Variants in DHX15 observed in about 807,000 individuals in gnomAD.
The protein encoded by DHX15 is DEAH-box helicase 15.
DHX15 carries 11 observed loss-of-function variants against 94.4 expected under a neutral mutation model. That is an observed-to-expected ratio of 0.12 (90% CI 0.07 to 0.19). The LOEUF (loss-of-function observed/expected upper bound fraction) is 0.19, where lower values mean the gene tolerates loss of function less well. Among genes scored for constraint, DHX15 ranks in the 10% least tolerant of loss-of-function variants. The pLI is 1.00. For synonymous variants in DHX15, 338 were observed against 329.9 expected (o/e 1.02, Z -0.27); for missense variants, 304 against 988.5 (o/e 0.31, Z 9.29).
chr4:24,548,969 A>G lies in DHX15; in HGVS notation c.1134T>C (p.Pro378=). 3.7e-6 allele frequency: 6 copies of G among 1,613,604 alleles called. No homozygotes were observed. Among genetic ancestry groups the G allele is most frequent in the Non-Finnish European group, 5.1e-6 (6 of 1,179,564 alleles). Residue 378 remains proline, a synonymous_variant, in exon 6 of 14, where the codon CCT becomes CCC. Transcript: ENST00000336812. ...GAATGATTTTAATGTCACCAACTTC[A>G]GGGCCCAAATCATCAACTTCACGCT... The part of the protein sequence containing the change: ...RIKREVDDLG[P]EVGDIKIIPL...
chr4:24,583,178 C>G (rs544641847), intron 1 of DHX15, among the ~76,000 whole-genome samples: 15 of 152,316 alleles, frequency 9.8e-5, no homozygotes, highest in African/African-American at 3.1e-4. Flanking sequence ...TTTGGCTACT[C>G]GGGCTTTTGT....
chr4:24,560,450 C>T (rs1721849007), intron 3 of DHX15, among the ~76,000 whole-genome samples: 1 of 151,008 alleles, frequency 6.6e-6, no homozygotes. Context: ...TGATGCAAAA[C>T]CTGGACATCA....
intron 2 of DHX15, among the ~76,000 whole-genome samples, chr4:24,574,341 A>G (rs113044121): frequency 7.9e-5 from 12 of 152,278 alleles, no homozygotes; most frequent in African/African-American, 2.9e-4. Context: ...GCATGCTAGG[A>G]AACATTTGAA....
At chr4:24,547,094 G>A (rs1241769482) in intron 6 of DHX15, among the ~76,000 whole-genome samples, 1 of 152,150 alleles carries the variant, frequency 6.6e-6, no homozygotes, top group East Asian at 1.9e-4. Flanking sequence ...AACTGCCAAG[G>A]AAGTCTTCCT....
At chr4:24,554,704 T>C in intron 5 of DHX15, 21 bp downstream of exon 5, 2 of 1,583,408 alleles carry the variant, frequency 1.3e-6, no homozygotes, top group Non-Finnish European at 8.6e-7. Flanking sequence ...AGCTAAATAA[T>C]GAAGAAAATT....
At chr4:24,543,135 A>G in intron 6 of DHX15, 109 bp from the exon 7 acceptor site, 1 of 682,096 alleles carries the variant, frequency 1.5e-6, no homozygotes, top group Non-Finnish European at 2.4e-6. Context: ...CAAGCCAGCA[A>G]ATAAACTAGA....
intron 8 of DHX15, among the ~76,000 whole-genome samples, 160 bp downstream of exon 8, chr4:24,541,713 G>A (rs1391449178): frequency 3.9e-5 from 6 of 152,154 alleles, no homozygotes; most frequent in East Asian, 1.9e-4. Flanking sequence ...GGGGGTGTAC[G>A]ACTATCTAAG....
At position 24,532,993 on chromosome 4, in the gene DHX15, T is replaced by C. The variant is rs1062682; in HGVS notation, c.1971A>G (p.Ala657=). 1 of 1,614,116 alleles carries C rather than the reference T, an allele frequency of 6.2e-7. No homozygotes were observed. Among genetic ancestry groups the C allele is most frequent in the Non-Finnish European group, 8.5e-7 (1 of 1,179,984 alleles). The stretch of plus-strand genomic sequence containing the variant: ...GAGATAGCTGCTGGCGTACATTGTC[T>C]GCGGACATCAGGGACCTGTAGTTAA... ...NFINYRSLMS[A]DNVRQQLSRI... The change falls in exon 12 of 14, where the codon GCA becomes GCG. Residue 657 remains alanine, a synonymous_variant. Transcript: ENST00000336812.
intron 1 of DHX15, among the ~76,000 whole-genome samples, chr4:24,577,678 A>G (rs939267535): frequency 4.6e-5 from 7 of 152,158 alleles, no homozygotes; most frequent in African/African-American, 1.7e-4. Context: ...ATTGACCTTA[A>G]TAAGTCATTT....
chr4:24,537,458 A>G lies in DHX15; in HGVS notation c.1787-285T>C. ...TCTGAAGGCCATCAGGATACTAAAA[A>G]GCTCAACTTATTTAAAAAAACCAGT... is the stretch of plus-strand genomic sequence containing the variant. On this transcript the variant is annotated intron_variant, in intron 10 of 13. Transcript: ENST00000336812. The surrounding 1 kb of genome is among the most constrained non-coding windows in gnomAD (Gnocchi z 4.7). The G allele has an allele frequency of 4.2e-6, 1 of 239,820 alleles. No individual in the cohort carries two copies. Among genetic ancestry groups the G allele is most frequent in the Non-Finnish European group, 8.0e-6 (1 of 124,384 alleles). 14.9% of individuals were successfully genotyped at this position (239,820 alleles called of 1,614,324 possible). A position where few individuals can be genotyped will look rare whatever the true frequency, so the allele number is the denominator to read the frequency against.
intron 1 of DHX15, 150 bp downstream of exon 1, chr4:24,584,173 G>A: frequency 3.7e-6 from 3 of 816,164 alleles, no homozygotes; most frequent in Admixed American, 5.8e-5. Context: ...CGGGCGCCGC[G>A]CTTCTCCTAC....
At chr4:24,573,745 C>T (rs1198034972) in intron 2 of DHX15, among the ~76,000 whole-genome samples, 1 of 152,218 alleles carries the variant, frequency 6.6e-6, no homozygotes, top group African/African-American at 2.4e-5. Flanking sequence ...CCCAAACCCT[C>T]TGTATTCTAG....
At chr4:24,547,760 T>C (rs1721456172) in intron 6 of DHX15, among the ~76,000 whole-genome samples, 1 of 150,002 alleles carries the variant, frequency 6.7e-6, no homozygotes, top group South Asian at 2.1e-4. Context: ...AGACCAGCCC[T>C]GGCAACATAG....
At chr4:24,572,328 G>A (rs1355917839) in intron 2 of DHX15, among the ~76,000 whole-genome samples, 1 of 152,114 alleles carries the variant, frequency 6.6e-6, no homozygotes, top group East Asian at 1.9e-4. Context: ...TAGAGACAGG[G>A]TTTCACCACG....
chr4:24,545,935 T>C (rs1721412753), intron 6 of DHX15, among the ~76,000 whole-genome samples: 1 of 152,198 alleles, frequency 6.6e-6, no homozygotes, highest in Non-Finnish European at 1.5e-5. Flanking sequence ...GGCATCACTG[T>C]CAGGACATGC....
chr4:24,576,759 A>C lies in DHX15; in HGVS notation c.72-81T>G, dbSNP rs369394721. The C allele has an allele frequency of 7.8e-6, 12 of 1,530,188 alleles. No homozygotes were observed. The African/African-American group carries it at 9.6e-5, about 12-fold the overall frequency. 94.8% of individuals were successfully genotyped at this position (1,530,188 alleles called of 1,614,324 possible). ...AGCGTTATAATCACAAAGAGAGTAA[A>C]TGTCCAACGTTCAAATGAATAAAAA... On this transcript the variant is annotated intron_variant, in intron 1 of 13. Transcript: ENST00000336812.
chr4:24,554,623 A>G, intron 5 of DHX15, 102 bp downstream of exon 5: 2 of 889,628 alleles, frequency 2.2e-6, no homozygotes, highest in Non-Finnish European at 3.5e-6. Flanking sequence ...GTTGAAGAAC[A>G]TTGAAATAAA....
intron 3 of DHX15, among the ~76,000 whole-genome samples, chr4:24,559,375 T>TAAAA (rs535455690): frequency 5.3e-4 from 49 of 93,318 alleles, no homozygotes; most frequent in Non-Finnish European, 7.5e-4. Flanking sequence ...TTTAAGCCAC[T>TAAAA]AAAAAAAAAA....
chr4:24,575,988 G>A lies in DHX15; in HGVS notation c.507+255C>T, dbSNP rs1722257974. On this transcript the variant is annotated intron_variant, in intron 2 of 13. Coordinates refer to ENST00000336812, the MANE Select transcript of DHX15 (RefSeq NM_001358.3). ...GTCCCTAAATCTGTACTGTCCGGGA[G>A]TCAAAATACCTCTGCCATACATAAG... Among the ~76,000 whole-genome samples the A allele has an allele frequency of 2.6e-5, 4 of 152,164 alleles. No homozygotes were observed. In the South Asian group the frequency reaches 8.3e-4, roughly 32 times the overall value.
Sources: gnomAD v4.1 joint callset for allele counts (sites outside exome capture counted in the v4.1 genomes callset) on GRCh38, gnomAD v4.1.1 for gene constraint, Gnocchi (gnomAD v3.1) non-coding constraint, MANE v1.5 for transcripts, NCBI Gene and HGNC (gene_info 2026-07-23, HGNC 2026-07-21) for gene names.